Variants in MEI4 observed in about 807,000 individuals in gnomAD.
MEI4 encodes the protein meiotic double-stranded break formation protein 4.
Under a neutral mutation model 31.4 loss-of-function variants are expected in MEI4, and 27 were observed. The observed-to-expected ratio is 0.86, with a 90% confidence interval of 0.63 to 1.19. The LOEUF is 1.19. Ranked by LOEUF, MEI4 falls within the 50% of genes most tolerant of loss-of-function variation. MEI4 has a pLI of 0.00. For synonymous variants in MEI4, 122 were observed against 145.4 expected (o/e 0.84, Z 1.16); for missense variants, 329 against 398.9 (o/e 0.82, Z 1.49).
At chr6:77,862,937 C>G (rs1415063139) in intron 4 of MEI4, among the ~76,000 whole-genome samples, 1 of 152,164 alleles carries the variant, frequency 6.6e-6, no homozygotes, top group African/African-American at 2.4e-5. Context: ...TGTTCTGCAG[C>G]CTCCACTGCT....
intron 4 of MEI4, among the ~76,000 whole-genome samples, chr6:77,917,835 CG>C: frequency 6.7e-6 from 1 of 149,196 alleles, no homozygotes; most frequent in African/African-American, 2.5e-5. Flanking sequence ...GACATGAAGT[CG>C]TTGCCCATGC....
chr6:77,655,658 G>T (rs955577434), intron 1 of MEI4, among the ~76,000 whole-genome samples: 1 of 151,840 alleles, frequency 6.6e-6, no homozygotes. Context: ...ATTTTCTTTA[G>T]GTTTTCCTTA....
chr6:77,916,474 G>C (rs991975684), intron 4 of MEI4, among the ~76,000 whole-genome samples: 1 of 151,968 alleles, frequency 6.6e-6, no homozygotes, highest in Non-Finnish European at 1.5e-5. Flanking sequence ...TGGTTAGTTT[G>C]GTTGATGTTG....
At chr6:77,785,501 A>AC (rs1243971496) in intron 3 of MEI4, among the ~76,000 whole-genome samples, 2 of 152,188 alleles carry the variant, frequency 1.3e-5, no homozygotes, top group African/African-American at 4.8e-5. Flanking sequence ...TAGGGCACAG[A>AC]CTAGACATTT....
chr6:77,906,472 T>C (rs906825940), intron 4 of MEI4, among the ~76,000 whole-genome samples: 2 of 152,190 alleles, frequency 1.3e-5, no homozygotes, highest in Non-Finnish European at 2.9e-5. Flanking sequence ...CATGTATCCT[T>C]AGCAGCAAAC....
intron 2 of MEI4, among the ~76,000 whole-genome samples, chr6:77,739,769 T>A (rs1339953912): frequency 6.6e-6 from 1 of 152,122 alleles, no homozygotes; most frequent in Admixed American, 6.5e-5. Context: ...GATTTGTTGA[T>A]CTTTTGAATT....
At chr6:77,661,959 T>G (rs1562195970) in intron 1 of MEI4, among the ~76,000 whole-genome samples, 1 of 152,132 alleles carries the variant, frequency 6.6e-6, no homozygotes, top group African/African-American at 2.4e-5. Context: ...TGATGCCCCT[T>G]GCAGTGAATG....
At chr6:77,857,296 T>G (rs1488743965) in intron 4 of MEI4, among the ~76,000 whole-genome samples, 3 of 152,202 alleles carry the variant, frequency 2.0e-5, no homozygotes, top group Non-Finnish European at 4.4e-5. Context: ...TAATTTTGTT[T>G]GCTATTAAGC....
chr6:77,741,838 C>T (rs1767414044), intron 2 of MEI4, among the ~76,000 whole-genome samples: 1 of 137,842 alleles, frequency 7.3e-6, no homozygotes, highest in Non-Finnish European at 1.5e-5. Flanking sequence ...TCTCATTGTT[C>T]AATTCCCACC....
chr6:77,801,185 A>T (rs998988500), intron 3 of MEI4, among the ~76,000 whole-genome samples: 18 of 152,206 alleles, frequency 1.2e-4, no homozygotes, highest in Non-Finnish European at 2.2e-4. Context: ...TTTTTGGTCT[A>T]TTCAGAGATT....
At chr6:77,700,430 T>A (rs1028430132) in intron 2 of MEI4, among the ~76,000 whole-genome samples, 7 of 152,236 alleles carry the variant, frequency 4.6e-5, no homozygotes. Context: ...TGCCGTTTTT[T>A]AAGCCCGTTG....
intron 3 of MEI4, among the ~76,000 whole-genome samples, chr6:77,776,171 T>C (rs1463168079): frequency 1.0e-5 from 1 of 99,508 alleles, no homozygotes; most frequent in Non-Finnish European, 2.0e-5. Flanking sequence ...TTTTTTGTTT[T>C]TGTTTTTGTT....
At chr6:77,730,791 A>C (rs1337460305) in intron 2 of MEI4, among the ~76,000 whole-genome samples, 7 of 103,348 alleles carry the variant, frequency 6.8e-5, no homozygotes, top group South Asian at 3.9e-4. Flanking sequence ...CCCCACCCCA[A>C]AACAGTCCCC....
intron 3 of MEI4, among the ~76,000 whole-genome samples, chr6:77,816,912 G>A (rs572452771): frequency 1.4e-4 from 21 of 152,002 alleles, no homozygotes; most frequent in Non-Finnish European, 2.5e-4. Flanking sequence ...AGGGCTTTGC[G>A]CAATGTTGTA....
chr6:77,680,187 C>T (rs922083351), intron 1 of MEI4, among the ~76,000 whole-genome samples: 1 of 147,480 alleles, frequency 6.8e-6, no homozygotes, highest in Non-Finnish European at 1.5e-5. Context: ...GCTGAGGCAG[C>T]AGAATGGCGT....
intron 3 of MEI4, among the ~76,000 whole-genome samples, chr6:77,766,483 G>A (rs1186964146): frequency 1.3e-5 from 2 of 152,090 alleles, no homozygotes; most frequent in East Asian, 3.9e-4. Context: ...GCACAATCTC[G>A]GCTCACTGCA....
intron 4 of MEI4, among the ~76,000 whole-genome samples, chr6:77,875,279 T>C (rs1473404659): frequency 6.6e-6 from 1 of 152,224 alleles, no homozygotes; most frequent in African/African-American, 2.4e-5. Flanking sequence ...ATCTCCTCGC[T>C]AGAGTGTAAA....
At chr6:77,863,905 AAG>A (rs1237314374) in intron 4 of MEI4, among the ~76,000 whole-genome samples, 1 of 152,234 alleles carries the variant, frequency 6.6e-6, no homozygotes, top group African/African-American at 2.4e-5. Flanking sequence ...TACAAGCCAA[AAG>A]AGAGTGGGGG....
chr6:77,868,675 TAAAG>T (rs750363946), intron 4 of MEI4, among the ~76,000 whole-genome samples: 1 of 151,156 alleles, frequency 6.6e-6, no homozygotes, highest in African/African-American at 2.4e-5. Context: ...TGATCAAAAA[TAAAG>T]GAAGGTAAGA....
Sources: gnomAD v4.1 joint callset for allele counts (sites outside exome capture counted in the v4.1 genomes callset) on GRCh38, gnomAD v4.1.1 for gene constraint, MANE v1.5 for transcripts, NCBI Gene and HGNC (gene_info 2026-07-23, HGNC 2026-07-21) for gene names.